The following LMBR1 variants were observed in gnomAD, a reference collection of about 807,000 sequenced individuals.
LMBR1 encodes limb region 1 protein homolog.
A neutral mutation model predicts 73.9 loss-of-function variants in LMBR1; 52 were observed. The observed-to-expected ratio is 0.70, with a 90% CI of 0.56 to 0.89. The LOEUF is 0.89. Among genes scored for constraint, LMBR1 ranks in the 40% least tolerant of loss-of-function variants. The pLI, the probability that LMBR1 is intolerant of heterozygous loss-of-function variation, is 0.00. For missense variants in LMBR1, 539 were observed against 579.8 expected, an observed-to-expected ratio of 0.93 and a Z score of 0.72; for synonymous variants, 215 against 209.4, an observed-to-expected ratio of 1.03 and a Z score of -0.23.
At chr7:156,676,874 A>C, downstream of LMBR1, 1 of 530,346 alleles carries the variant, frequency 1.9e-6, no homozygotes, top group East Asian at 3.2e-5. Context: ...TTATGAGTTT[A>C]ATCACTTCAA....
chr7:156,842,702 G>C (rs1382499147), intron 1 of LMBR1, among the ~76,000 whole-genome samples: 1 of 152,106 alleles, frequency 6.6e-6, no homozygotes, highest in Non-Finnish European at 1.5e-5. Flanking sequence ...AACAAATGGA[G>C]CAAATATAAT....
chr7:156,789,020 C>T (rs1395983482), intron 5 of LMBR1, among the ~76,000 whole-genome samples: 1 of 152,102 alleles, frequency 6.6e-6, no homozygotes, highest in African/African-American at 2.4e-5. Context: ...GCACTCCAGC[C>T]TGGGTGACAG....
Position 156,688,147 on chromosome 7 carries a change from A to C in LMBR1, c.1270T>G (p.Trp424Gly), listed in dbSNP as rs767943841. 6 of 1,609,526 alleles carry C rather than the reference A, an allele frequency of 3.7e-6. No individual in the cohort carries two copies. The highest frequency in any genetic ancestry group is 5.1e-6 in the Non-Finnish European group (6 of 1,178,588). Reference sequence around the variant, plus strand: ...AATACAATATAGAAATTTCCCAGCCAATTAAACCTTCCAAAGTCGCCAAGT... The same window carrying C: ...AATACAATATAGAAATTTCCCAGCCCATTAAACCTTCCAAAGTCGCCAAGT... ...DLLGDFGRFN[W>G]LGNFYIVLSY... is the part of the protein sequence containing the mutation. Residue 424 changes from tryptophan (W) to glycine (G), a missense_variant, in exon 16 of 17, where the codon TGG becomes GGG. Physicochemically the swap from Trp to Gly is radical, Grantham distance 184 (BLOSUM62 -2). Coordinates refer to ENST00000353442, the MANE Select transcript of LMBR1 (RefSeq NM_022458.4).
intron 1 of LMBR1, among the ~76,000 whole-genome samples, chr7:156,849,762 T>C (rs1352455393): frequency 1.3e-5 from 2 of 152,120 alleles, no homozygotes; most frequent in Non-Finnish European, 2.9e-5. Flanking sequence ...GTTAGATACA[T>C]GTTCTTATAA....
At chr7:156,880,562 C>T (rs569696747) in intron 1 of LMBR1, among the ~76,000 whole-genome samples, 1 of 152,086 alleles carries the variant, frequency 6.6e-6, no homozygotes, top group South Asian at 2.1e-4. Flanking sequence ...GAAAGACACC[C>T]TATGTTCATG....
chr7:156,719,124 C>T (rs879464425), intron 15 of LMBR1, among the ~76,000 whole-genome samples: 15 of 91,984 alleles, frequency 1.6e-4, no homozygotes, highest in Admixed American at 2.8e-4. Context: ...CTAATGCTAT[C>T]CCCCCCCTCC....
At chr7:156,739,256 G>C (rs967179988) in intron 9 of LMBR1, among the ~76,000 whole-genome samples, 5 of 152,100 alleles carry the variant, frequency 3.3e-5, no homozygotes, top group African/African-American at 7.2e-5. Flanking sequence ...CTTATGGTTT[G>C]AGGGTCAGTT....
chr7:156,841,636 A>G (rs1161380238), intron 1 of LMBR1, among the ~76,000 whole-genome samples: 1 of 152,180 alleles, frequency 6.6e-6, no homozygotes, highest in Non-Finnish European at 1.5e-5. Flanking sequence ...GACAGTGTCA[A>G]ACACTGCTGA....
chr7:156,764,102 CGTG>C (rs1177949334), intron 5 of LMBR1, among the ~76,000 whole-genome samples: 1 of 152,158 alleles, frequency 6.6e-6, no homozygotes, highest in African/African-American at 2.4e-5. Flanking sequence ...AATTTCTATC[CGTG>C]ATTCTAATCA....
intron 1 of LMBR1, among the ~76,000 whole-genome samples, chr7:156,866,552 G>T (rs747910393): frequency 6.6e-6 from 1 of 150,788 alleles, no homozygotes; most frequent in Non-Finnish European, 1.5e-5. Context: ...GAATATGCAG[G>T]ATGACTAAGA....
At position 156,892,970 on chromosome 7, in the gene LMBR1, C is replaced by A. The variant is rs770964212; in HGVS notation, c.24G>T (p.Ser8=). The A allele has an allele frequency of 1.3e-6, 2 of 1,542,786 alleles. No homozygotes were observed. Among genetic ancestry groups the A allele is most frequent in the Non-Finnish European group, 8.7e-7 (1 of 1,151,960 alleles). The change falls in exon 1 of 17, where the codon TCG becomes TCT. Residue 8 remains serine (S), a synonymous_variant. Transcript: ENST00000353442. ...GGCTGTGGAAGTGCTGCTCCCGCGCCGACACCTCGTCCTGCCCTTCCATCC... is the reference window on the plus strand; with the variant it reads ...GGCTGTGGAAGTGCTGCTCCCGCGCAGACACCTCGTCCTGCCCTTCCATCC... MEGQDEV[S]AREQHFHSQV... is the part of the protein sequence containing the mutation.
At chr7:156,790,441 T>C (rs569508748) in intron 5 of LMBR1, among the ~76,000 whole-genome samples, 4 of 152,192 alleles carry the variant, frequency 2.6e-5, no homozygotes, top group South Asian at 2.1e-4. Context: ...AGAGTGAAGA[T>C]TGAAGTCCAG....
chr7:156,782,856 T>C (rs1392902108), intron 5 of LMBR1, among the ~76,000 whole-genome samples: 1 of 152,232 alleles, frequency 6.6e-6, no homozygotes, highest in Non-Finnish European at 1.5e-5. Flanking sequence ...CATTGTAGTT[T>C]TGATCTGCAT....
At chr7:156,718,229 G>A (rs1360930740) in intron 15 of LMBR1, among the ~76,000 whole-genome samples, 5 of 151,736 alleles carry the variant, frequency 3.3e-5, no homozygotes, top group East Asian at 1.9e-4. Flanking sequence ...GCATAACCCC[G>A]TCTCTACTAA....
intron 5 of LMBR1, among the ~76,000 whole-genome samples, chr7:156,782,505 C>A (rs1157935788): frequency 6.6e-6 from 1 of 152,138 alleles, no homozygotes; most frequent in Non-Finnish European, 1.5e-5. Flanking sequence ...GGCTAGTAGT[C>A]ATCCTACTAG....
At chr7:156,858,747 T>C (rs1797321948) in intron 1 of LMBR1, among the ~76,000 whole-genome samples, 1 of 152,110 alleles carries the variant, frequency 6.6e-6, no homozygotes, top group African/African-American at 2.4e-5. Flanking sequence ...TATGCAAACC[T>C]GATTCAACAT....
chr7:156,725,167 G>C (rs929738114), intron 14 of LMBR1, among the ~76,000 whole-genome samples: 1 of 152,156 alleles, frequency 6.6e-6, no homozygotes, highest in African/African-American at 2.4e-5. Flanking sequence ...TTTCTTTAGA[G>C]GAAAAAGAGT....
chr7:156,730,322 T>G (rs1028779560), intron 10 of LMBR1, among the ~76,000 whole-genome samples: 3 of 152,216 alleles, frequency 2.0e-5, no homozygotes, highest in Admixed American at 6.5e-5. Flanking sequence ...TCTGTCAGGC[T>G]CATGTTTCTT....
At position 156,733,355 on chromosome 7, in the gene LMBR1, G is replaced by A. The variant is rs189000923; in HGVS notation, c.838+822C>T. Among the ~76,000 whole-genome samples the A allele has an allele frequency of 1.2e-3, 184 of 152,212 alleles. 2 individuals carry two copies. Among genetic ancestry groups the A allele is most frequent in the Middle Eastern group, 6.9e-3 (2 of 290 alleles). ...AGAACTAACACAAATGTTAGAAGTAGCAGACAAAAACATTGTAAGTGTTGT... is the reference window on the plus strand; with the variant it reads ...AGAACTAACACAAATGTTAGAAGTAACAGACAAAAACATTGTAAGTGTTGT... On this transcript the variant is annotated intron_variant, in intron 10 of 16. Transcript: ENST00000353442.
Sources: gnomAD v4.1 joint callset for allele counts (sites outside exome capture counted in the v4.1 genomes callset) on GRCh38, gnomAD v4.1.1 for gene constraint, MANE v1.5 for transcripts, NCBI Gene and HGNC (gene_info 2026-07-23, HGNC 2026-07-21) for gene names.